DCC: variants seen among roughly 807,000 people sequenced by gnomAD.
The protein encoded by DCC is DCC netrin 1 receptor.
DCC carries 58 observed loss-of-function variants against 172.5 expected under a neutral mutation model. That is an observed-to-expected ratio of 0.34 (90% CI 0.27 to 0.42). The LOEUF (loss-of-function observed/expected upper bound fraction) is 0.42. DCC is among the 10% of genes least tolerant of loss of function. The pLI, the probability that DCC is intolerant of heterozygous loss-of-function variation, is 1.00. For synonymous variants in DCC, 709 were observed against 644.5 expected, an observed-to-expected ratio of 1.10 and a Z score of -1.52; for missense variants, 1,740 against 1,791.0, an observed-to-expected ratio of 0.97 and a Z score of 0.51.
intron 5 of DCC, among the ~76,000 whole-genome samples, chr18:52,926,897 A>ATG (rs1407726151): frequency 1.5e-5 from 2 of 134,358 alleles, no homozygotes; most frequent in African/African-American, 5.4e-5. Context: ...ACACATACAT[A>ATG]TGTGTGTATA....
chr18:53,127,194 T>TG lies in DCC; in HGVS notation c.1262-30157dup, dbSNP rs1005484429. On this transcript the variant is annotated intron_variant, in intron 7 of 28. Coordinates refer to ENST00000442544, the MANE Select transcript of DCC (RefSeq NM_005215.4). Reference sequence around the variant, plus strand: ...CATTTTTAATTTTTTTTTGTAGGGATGGGGGTCTCGTTATGTTGCCCGGTC... The same window carrying TG: ...CATTTTTAATTTTTTTTTGTAGGGATGGGGGGTCTCGTTATGTTGCCCGGTC... Among the ~76,000 whole-genome samples, 23 of 150,970 alleles carry TG rather than the reference T, an allele frequency of 1.5e-4. No individual in the cohort carries two copies. The South Asian group carries it at 2.9e-3, about 19-fold the overall frequency.
At chr18:52,928,405 C>G (rs1430863334) in intron 5 of DCC, among the ~76,000 whole-genome samples, 1 of 152,084 alleles carries the variant, frequency 6.6e-6, no homozygotes, top group Non-Finnish European at 1.5e-5. Flanking sequence ...ATCTATATAA[C>G]AAACCTGTAC....
chr18:53,288,564 T>G (rs1346913), intron 12 of DCC, among the ~76,000 whole-genome samples: 20,368 of 152,136 alleles, frequency 0.13, 1,802 homozygotes, highest in African/African-American at 0.24. Context: ...ATCTAATGGC[T>G]TTTGTGCAGA....
chr18:53,160,146 T>C (rs1461613880), intron 8 of DCC, among the ~76,000 whole-genome samples: 1 of 152,192 alleles, frequency 6.6e-6, no homozygotes, highest in Non-Finnish European at 1.5e-5. Context: ...CCTCTTCTCT[T>C]GAGCTTGTTC....
At chr18:53,457,991 G>A (rs535844477) in intron 23 of DCC, among the ~76,000 whole-genome samples, 18 of 152,098 alleles carry the variant, frequency 1.2e-4, no homozygotes, top group Admixed American at 2.0e-4. Context: ...ATTCATCATC[G>A]GAAAACCAAA....
At chr18:52,722,831 C>T (rs1366620261) in intron 1 of DCC, among the ~76,000 whole-genome samples, 1 of 152,164 alleles carries the variant, frequency 6.6e-6, no homozygotes, top group Non-Finnish European at 1.5e-5. Context: ...CTTCCTGACT[C>T]TCCTGTCTGC....
At chr18:53,295,873 A>G (rs2057061630) in intron 12 of DCC, among the ~76,000 whole-genome samples, 1 of 152,186 alleles carries the variant, frequency 6.6e-6, no homozygotes, top group African/African-American at 2.4e-5. Context: ...TTGACATTCA[A>G]TAATTCACCA....
At chr18:52,471,433 G>A (rs1988942518) in intron 1 of DCC, among the ~76,000 whole-genome samples, 1 of 152,218 alleles carries the variant, frequency 6.6e-6, no homozygotes, top group Non-Finnish European at 1.5e-5. Flanking sequence ...TATCATTATG[G>A]AGGGTTATCA....
intron 1 of DCC, among the ~76,000 whole-genome samples, chr18:52,426,780 T>G (rs1267456877): frequency 1.5e-5 from 2 of 132,270 alleles, no homozygotes; most frequent in Non-Finnish European, 3.1e-5. Flanking sequence ...AAATGGCATG[T>G]GGAATGTGGC....
chr18:52,379,551 C>G (rs988576803), intron 1 of DCC, among the ~76,000 whole-genome samples: 3 of 152,178 alleles, frequency 2.0e-5, no homozygotes, highest in African/African-American at 7.2e-5. Flanking sequence ...AGTAATGGCC[C>G]TTTAATTCAC....
intron 1 of DCC, among the ~76,000 whole-genome samples, chr18:52,585,204 G>A (rs796290610): frequency 3.9e-4 from 60 of 152,342 alleles, no homozygotes; most frequent in African/African-American, 1.3e-3. Flanking sequence ...CAAATGAGGA[G>A]TGTTTTCTTT....
At chr18:52,418,651 T>C (rs1481041300) in intron 1 of DCC, among the ~76,000 whole-genome samples, 1 of 151,976 alleles carries the variant, frequency 6.6e-6, no homozygotes, top group Non-Finnish European at 1.5e-5. Context: ...AAGCAGTGGG[T>C]CCAACACATT....
intron 7 of DCC, among the ~76,000 whole-genome samples, chr18:53,125,560 T>C (rs2043543851): frequency 6.6e-6 from 1 of 152,142 alleles, no homozygotes; most frequent in Admixed American, 6.6e-5. Flanking sequence ...GTTTGATGTT[T>C]GGCTCAATAT....
intron 7 of DCC, among the ~76,000 whole-genome samples, chr18:53,127,151 T>C (rs945594675): frequency 7.1e-6 from 1 of 140,788 alleles, no homozygotes; most frequent in Non-Finnish European, 1.5e-5. Flanking sequence ...TTTTTTTTTT[T>C]CATTTAAATT....
chr18:52,991,539 T>C (rs1197843868), intron 5 of DCC, among the ~76,000 whole-genome samples: 1 of 152,204 alleles, frequency 6.6e-6, no homozygotes. Flanking sequence ...GCTGAACTTC[T>C]GCCCTTTCCT....
intron 1 of DCC, among the ~76,000 whole-genome samples, chr18:52,685,687 T>C (rs1029900826): frequency 1.4e-4 from 22 of 152,186 alleles, no homozygotes; most frequent in Admixed American, 9.8e-4. Flanking sequence ...TTTTCTCCAC[T>C]CTCCCATCTC....
At chr18:52,376,727 G>A (rs967008822) in intron 1 of DCC, among the ~76,000 whole-genome samples, 8 of 152,172 alleles carry the variant, frequency 5.3e-5, no homozygotes, top group East Asian at 1.9e-4. Flanking sequence ...CTTTACATAC[G>A]TCATCTCTAT....
chr18:52,383,491 G>T (rs1985669719), intron 1 of DCC, among the ~76,000 whole-genome samples: 1 of 151,726 alleles, frequency 6.6e-6, no homozygotes, highest in Non-Finnish European at 1.5e-5. Flanking sequence ...AATGTTATAT[G>T]GTATAGCTTA....
At chr18:53,494,300 G>A (rs1304021760) in intron 26 of DCC, among the ~76,000 whole-genome samples, 1 of 152,204 alleles carries the variant, frequency 6.6e-6, no homozygotes, top group Admixed American at 6.5e-5. Context: ...TGTATATTCT[G>A]TTGATGTGGG....
Sources: gnomAD v4.1 joint callset for allele counts (sites outside exome capture counted in the v4.1 genomes callset) on GRCh38, gnomAD v4.1.1 for gene constraint, MANE v1.5 for transcripts, NCBI Gene and HGNC (gene_info 2026-07-23, HGNC 2026-07-21) for gene names.